SORCS1: variants seen among roughly 807,000 people sequenced by gnomAD.
SORCS1 encodes VPS10 domain-containing receptor SorCS1.
SORCS1 carries 60 observed loss-of-function variants against 146.1 expected under a neutral mutation model. That is an observed-to-expected ratio of 0.41 (90% CI 0.33 to 0.51). The LOEUF is 0.51. SORCS1 is among the 20% of genes least tolerant of loss of function. The probability of loss-of-function intolerance (pLI) is 0.21; values close to 1 mark genes in which losing one functional copy is unlikely to be tolerated. For synonymous variants in SORCS1, 637 were observed against 584.0 expected (o/e 1.09, Z -1.31); for missense variants, 1,352 against 1,487.6 (o/e 0.91, Z 1.50).
rs1238143397 is a variant in SORCS1 at position 106,577,461 on chromosome 10, T to C, written c.3466A>G (p.Thr1156Ala). Reference protein sequence around the residue: ...QRARHATPPSTPKRGSAGAQY... With the variant: ...QRARHATPPSAPKRGSAGAQY... ...GCCCCAGCAGATCCCCGCTTTGGCG[T>C]TGAAGGCGGAGTGGCGTGTCTTGCT... Residue 1156 changes from threonine (T) to alanine (A), a missense_variant, in exon 26 of 26, where the codon ACG becomes GCG. Physicochemically the swap from Thr to Ala is moderately conservative, Grantham distance 58. Coordinates refer to ENST00000263054, the MANE Select transcript of SORCS1 (RefSeq NM_052918.5). The C allele has an allele frequency of 1.9e-6, 3 of 1,613,864 alleles. No individual in the cohort carries two copies. The highest frequency in any genetic ancestry group is 1.1e-5 in the South Asian group (1 of 91,086).
At chr10:106,763,921 T>C (rs1414723031) in intron 4 of SORCS1, among the ~76,000 whole-genome samples, 2 of 152,202 alleles carry the variant, frequency 1.3e-5, no homozygotes, top group Non-Finnish European at 2.9e-5. Context: ...GGAAATCCTA[T>C]CCTTCTACGT....
At chr10:107,093,912 G>A (rs1964376946) in intron 1 of SORCS1, among the ~76,000 whole-genome samples, 11 of 152,006 alleles carry the variant, frequency 7.2e-5, no homozygotes, top group Admixed American at 5.9e-4. Context: ...GGTCATTCCA[G>A]CCTCAGGAAC....
At chr10:107,004,748 T>C (rs1470106161) in intron 1 of SORCS1, among the ~76,000 whole-genome samples, 1 of 152,178 alleles carries the variant, frequency 6.6e-6, no homozygotes, top group Non-Finnish European at 1.5e-5. Flanking sequence ...AGGTCCATAC[T>C]TTGGGCTGCA....
At chr10:106,682,551 A>T (rs1038687104) in intron 10 of SORCS1, among the ~76,000 whole-genome samples, 3 of 152,222 alleles carry the variant, frequency 2.0e-5, no homozygotes, top group African/African-American at 7.2e-5. Context: ...AGTCATAAAT[A>T]ATTAATATAG....
At chr10:106,623,794 T>C (rs1022199046) in intron 19 of SORCS1, among the ~76,000 whole-genome samples, 3 of 152,052 alleles carry the variant, frequency 2.0e-5, no homozygotes, top group Admixed American at 2.0e-4. Flanking sequence ...GCATCCCAAG[T>C]AGTTGGGATT....
intron 6 of SORCS1, among the ~76,000 whole-genome samples, chr10:106,721,230 G>A (rs906918212): frequency 3.3e-5 from 5 of 151,980 alleles, no homozygotes; most frequent in African/African-American, 4.8e-5. Flanking sequence ...AAATGGAAAC[G>A]TCTAACCTCT....
intron 1 of SORCS1, among the ~76,000 whole-genome samples, chr10:107,140,778 A>G (rs1405252895): frequency 6.6e-6 from 1 of 152,244 alleles, no homozygotes; most frequent in African/African-American, 2.4e-5. Flanking sequence ...TGAGCATTGG[A>G]CAAAATGCTT....
intron 5 of SORCS1, among the ~76,000 whole-genome samples, chr10:106,760,824 C>CA (rs1859050999): frequency 6.6e-6 from 1 of 151,918 alleles, no homozygotes; most frequent in Non-Finnish European, 1.5e-5. Flanking sequence ...AGGGGAAGGC[C>CA]GGCCAGGCAT....
At chr10:106,947,081 C>T (rs1954383072) in intron 2 of SORCS1, among the ~76,000 whole-genome samples, 1 of 151,946 alleles carries the variant, frequency 6.6e-6, no homozygotes, top group Admixed American at 6.6e-5. Context: ...AGGAAAATAC[C>T]CATTAAAATA....
intron 2 of SORCS1, among the ~76,000 whole-genome samples, chr10:106,913,215 A>G (rs901227454): frequency 6.6e-6 from 1 of 152,198 alleles, no homozygotes; most frequent in Non-Finnish European, 1.5e-5. Context: ...TGCCTTTTGC[A>G]TACAGAAAGG....
intron 1 of SORCS1, chr10:106,970,142 C>T (rs1466170334): frequency 2.0e-5 from 3 of 152,192 alleles, no homozygotes; most frequent in Non-Finnish European, 2.9e-5. Context: ...CTTCAGTTTC[C>T]TCTATGGCTG....
chr10:106,783,870 G>A (rs898482549), intron 3 of SORCS1, among the ~76,000 whole-genome samples: 5 of 152,102 alleles, frequency 3.3e-5, no homozygotes, highest in Middle Eastern at 3.2e-3. Context: ...GTTCTTATTG[G>A]TGGAGAAACA....
intron 3 of SORCS1, among the ~76,000 whole-genome samples, chr10:106,828,869 G>C (rs994058460): frequency 2.6e-4 from 40 of 152,196 alleles, no homozygotes; most frequent in African/African-American, 8.2e-4. Context: ...AGTGGAAAAA[G>C]TATGACTGCT....
At chr10:106,927,452 G>A (rs1589723972) in intron 2 of SORCS1, among the ~76,000 whole-genome samples, 1 of 152,166 alleles carries the variant, frequency 6.6e-6, no homozygotes, top group African/African-American at 2.4e-5. Flanking sequence ...TAAAGGCAGT[G>A]TGGACCCAAA....
At chr10:107,122,308 T>C (rs149841266) in intron 1 of SORCS1, among the ~76,000 whole-genome samples, 135 of 152,338 alleles carry the variant, frequency 8.9e-4, no homozygotes, top group Admixed American at 2.7e-3. Context: ...AGTAAAACCA[T>C]TAGAAGTCTG....
chr10:106,885,697 C>T (rs113597649), intron 2 of SORCS1, among the ~76,000 whole-genome samples: 2 of 151,910 alleles, frequency 1.3e-5, no homozygotes, highest in African/African-American at 4.8e-5. Flanking sequence ...TGGCTGTGTC[C>T]CCCCCCAAAT....
At chr10:106,989,565 T>A (rs939598241) in intron 1 of SORCS1, among the ~76,000 whole-genome samples, 2 of 152,100 alleles carry the variant, frequency 1.3e-5, no homozygotes, top group Middle Eastern at 6.8e-3. Flanking sequence ...CCTTCTTGCA[T>A]AGGGCTTTCT....
chr10:106,799,615 C>T (rs1251918133), intron 3 of SORCS1, among the ~76,000 whole-genome samples: 2 of 152,140 alleles, frequency 1.3e-5, no homozygotes, highest in African/African-American at 2.4e-5. Flanking sequence ...ATGCAGCCAA[C>T]AGACACATGA....
chr10:106,828,898 C>G (rs555369589), intron 3 of SORCS1, among the ~76,000 whole-genome samples: 2 of 152,282 alleles, frequency 1.3e-5, no homozygotes, highest in Admixed American at 6.5e-5. Flanking sequence ...CGCCTTAACT[C>G]TAGTCCTAAT....
Sources: allele counts gnomAD v4.1 joint callset (sites outside exome capture counted in the v4.1 genomes callset), GRCh38; gene constraint gnomAD v4.1.1; transcripts MANE v1.5; gene names NCBI Gene and HGNC (gene_info 2026-07-23, HGNC 2026-07-21).